MBD6: variants seen among roughly 807,000 people sequenced by gnomAD.
The protein encoded by MBD6 is methyl-CpG-binding domain protein 6.
Under a neutral mutation model 66.8 loss-of-function variants are expected in MBD6, and 22 were observed. That is an observed-to-expected ratio of 0.33 (90% CI 0.24 to 0.47). MBD6 has a LOEUF of 0.47. Among genes scored for constraint, MBD6 ranks in the 20% least tolerant of loss-of-function variants. MBD6 has a pLI of 1.00. For missense variants in MBD6, 1,322 were observed against 1,286.9 expected (o/e 1.03, Z -0.42); for synonymous variants, 540 against 534.6 (o/e 1.01, Z -0.14).
chr12:57,528,247 C>T lies in MBD6; in HGVS notation c.2507C>T (p.Pro836Leu). ...PARPPLSALAPPHGSPDPPVP... is the reference protein window; with the variant it reads ...PARPPLSALALPHGSPDPPVP... ...AGGCCTCCCCTCAGTGCCTTAGCCCCACCCCATGGTTCTCCCGACCCCCCA... is the reference window on the plus strand; with the variant it reads ...AGGCCTCCCCTCAGTGCCTTAGCCCTACCCCATGGTTCTCCCGACCCCCCA... The change falls in exon 10 of 13, where the codon CCA becomes CTA. Residue 836 changes from proline (P) to leucine (L), a missense_variant. Coordinates refer to ENST00000355673, the MANE Select transcript of MBD6 (RefSeq NM_052897.4). 4 of 1,607,934 alleles carry T rather than the reference C, an allele frequency of 2.5e-6. No homozygotes were observed. Among genetic ancestry groups the T allele is most frequent in the Non-Finnish European group, 3.4e-6 (4 of 1,177,208 alleles).
At chr12:57,527,327 G>C in intron 7 of MBD6, 100 bp downstream of exon 7, 6 of 1,092,810 alleles carry the variant, frequency 5.5e-6, no homozygotes, top group Non-Finnish European at 7.8e-6. Context: ...GCTCTTCCTT[G>C]GGGCCTTTGG....
In MBD6 at chr12:57,526,842, G is replaced by T; in HGVS notation, c.1697G>T (p.Gly566Val). The change falls in exon 7 of 13, where the codon GGG becomes GTG. Residue 566 changes from glycine to valine, a missense_variant. Transcript: ENST00000355673. ...LNHSLFGVLT[G>V]GGGQPPPEPL... ...CACAGTTTATTTGGTGTGCTGACTG[G>T]GGGAGGAGGACAACCTCCCCCTGAG... 1 of 1,613,480 alleles carries T rather than the reference G, an allele frequency of 6.2e-7. No individual in the cohort carries two copies. Among genetic ancestry groups the T allele is most frequent in the South Asian group, 1.1e-5 (1 of 91,062 alleles).
chr12:57,527,120 C>T lies in MBD6; in HGVS notation c.1975C>T (p.Leu659=), dbSNP rs748674521. 3.8e-6 allele frequency: 6 copies of T among 1,574,828 alleles called. No homozygotes were observed. In the African/African-American group the frequency reaches 6.8e-5, roughly 18 times the overall value. ...GGAGCCATTTTCAGGCTTGGGAGAC[C>T]TGTCCCCCCTACTTTTCCCCCCACT... ...SGEPFSGLGD[L]SPLLFPPLSA... is the part of the protein sequence containing the mutation. The change falls in exon 7 of 13, where the codon CTG becomes TTG. Residue 659 remains leucine, a synonymous_variant. Coordinates refer to ENST00000355673, the MANE Select transcript of MBD6 (RefSeq NM_052897.4).
upstream of MBD6, among the ~76,000 whole-genome samples, chr12:57,522,545 A>T (rs1241476374): frequency 7.3e-6 from 1 of 136,664 alleles, no homozygotes; most frequent in Non-Finnish European, 1.5e-5. Flanking sequence ...AGAGGCGCAG[A>T]TCCTTCCGCG....
chr12:57,529,431 A>ACCCCCCCCCCCCCCCCCACCCCC lies in MBD6; in HGVS notation c.*204_*205insCCCCCCCCCCACCCCCCCCCCCC, dbSNP rs1459762262. On this transcript the variant is annotated 3_prime_UTR_variant, in exon 13 of 13. Coordinates refer to ENST00000355673, the MANE Select transcript of MBD6 (RefSeq NM_052897.4). ...GCAGGGAAGTTCACCCCCCCCCACC[A>ACCCCCCCCCCCCCCCCCACCCCC]CCCCCCCGCCCCCCCGAAGCCATGT... The ACCCCCCCCCCCCCCCCCACCCCC allele has an allele frequency of 2.6e-6, 1 of 387,854 alleles. No individual in the cohort carries two copies. Among genetic ancestry groups the ACCCCCCCCCCCCCCCCCACCCCC allele is most frequent in the Non-Finnish European group, 4.6e-6 (1 of 218,590 alleles). 24.0% of individuals were successfully genotyped at this position (387,854 alleles called of 1,614,324 possible).
Position 57,528,467 on chromosome 12 carries a change from A to C in MBD6, c.2727A>C (p.Arg909Ser), listed in dbSNP as rs1879230257. ...FNGQMERSPR[R>S]THHWQHNGEL... Reference sequence around the variant, plus strand: ...GACAAATGGAAAGGTCCCCAAGAAGAACCCACCATTGGCAGCATAATGGGG... The same window carrying C: ...GACAAATGGAAAGGTCCCCAAGAAGCACCCACCATTGGCAGCATAATGGGG... The change falls in exon 10 of 13, where the codon AGA becomes AGC. Residue 909 changes from arginine to serine, a missense_variant. Transcript: ENST00000355673. 2 of 1,613,814 alleles carry C rather than the reference A, an allele frequency of 1.2e-6. No individual in the cohort carries two copies. The highest frequency in any genetic ancestry group is 1.7e-6 in the Non-Finnish European group (2 of 1,180,034).
At chr12:57,523,669 G>A (rs984361674) in intron 1 of MBD6, among the ~76,000 whole-genome samples, 2 of 151,742 alleles carry the variant, frequency 1.3e-5, no homozygotes, top group African/African-American at 4.8e-5. Context: ...TCATCTTCCT[G>A]GGTAGAGAAC....
upstream of MBD6, chr12:57,522,759 A>ACGGCTGCGGCAGCGACGGCGGCGGCGG (rs1555170190): frequency 2.3e-4 from 36 of 153,606 alleles, 1 homozygote. Context: ...TGCGGCAGCG[A>ACGGCTGCGGCAGCGACGGCGGCGGCGG]CGGCGGCGGC....
At chr12:57,528,863 A>C in intron 11 of MBD6, 83 bp from the exon 12 acceptor site, 2 of 1,608,754 alleles carry the variant, frequency 1.2e-6, no homozygotes, top group Non-Finnish European at 1.7e-6. Context: ...TACTATCCAA[A>C]TGTAGAAAGT....
chr12:57,520,729 G>A (rs1053475022), upstream of MBD6: 5 of 335,180 alleles, frequency 1.5e-5, no homozygotes, highest in Non-Finnish European at 2.7e-5. Context: ...TGGGTCACGA[G>A]GCTTCACGGA....
chr12:57,527,347 A>G, intron 7 of MBD6, 120 bp downstream of exon 7: 1 of 1,131,978 alleles, frequency 8.8e-7, no homozygotes, highest in Non-Finnish European at 1.3e-6. Flanking sequence ...GGGAGGCCTT[A>G]GTTCTTGGCT....
chr12:57,530,864 A>G, downstream of MBD6: 1 of 1,122,036 alleles, frequency 8.9e-7, no homozygotes, highest in South Asian at 1.3e-5. Flanking sequence ...GAGAGAAGAC[A>G]AGAAATGGAA....
chr12:57,530,395 A>G (rs1043942968), downstream of MBD6: 20 of 346,440 alleles, frequency 5.8e-5, no homozygotes, highest in Admixed American at 4.6e-4. Context: ...ACAAGACCCA[A>G]TCCTTCCCCA....
Position 57,529,082 on chromosome 12 carries a change from TAGAG to T in MBD6, c.2937+74_2938-74del, listed in dbSNP as rs1048544007. The T allele has an allele frequency of 6.2e-6, 10 of 1,612,962 alleles. No individual in the cohort carries two copies. The African/African-American group carries it at 9.4e-5, about 15-fold the overall frequency. On this transcript the variant is annotated intron_variant, in intron 12 of 12. Transcript: ENST00000355673. ...TGAGGCGGCAGGAGGAAAGGAGGGT[TAGAG>T]GGAGTGGGGAGAAAAGAAGACTTCC...
rs1878499173 is a variant in MBD6 at position 57,522,948 on chromosome 12, C to CCCCTCCCACT, written c.-150_-141dup. The CCCCTCCCACT allele has an allele frequency of 6.8e-6, 1 of 147,286 alleles. No individual in the cohort carries two copies. Among genetic ancestry groups the CCCCTCCCACT allele is most frequent in the Non-Finnish European group, 1.5e-5 (1 of 65,742 alleles). 9.1% of individuals were successfully genotyped at this position (147,286 alleles called of 1,614,324 possible). On this transcript the variant is annotated 5_prime_UTR_variant, in exon 1 of 13. The change abolishes the stop of an existing upstream ORF in the 5' untranslated region. Coordinates refer to ENST00000355673, the MANE Select transcript of MBD6 (RefSeq NM_052897.4). ...CGGGCTCCACCGACCCTCCTCCCAC[C>CCCCTCCCACT]CCCTCCCACTCACCCTCTGGGCCGC...
chr12:57,524,528 C>A, intron 3 of MBD6, 112 bp downstream of exon 3: 1 of 1,123,014 alleles, frequency 8.9e-7, no homozygotes. Context: ...TCCTCTCTTC[C>A]CCTTCCTTCC....
At chr12:57,531,271 C>T (rs1480202995), downstream of MBD6, among the ~76,000 whole-genome samples, 4 of 152,074 alleles carry the variant, frequency 2.6e-5, no homozygotes, top group Non-Finnish European at 4.4e-5. Context: ...CCTGTAATCT[C>T]AGCACTTTGG....
At chr12:57,526,449 A>G in intron 6 of MBD6, 61 bp downstream of exon 6, 1 of 1,527,872 alleles carries the variant, frequency 6.5e-7, no homozygotes, top group Non-Finnish European at 8.8e-7. Flanking sequence ...CAAGGCATTT[A>G]GGGGAATGTT....
In MBD6 at chr12:57,527,002, C is replaced by A. The variant is rs1486139467; in HGVS notation, c.1857C>A (p.Ser619Arg). 1 of 1,613,718 alleles carries A rather than the reference C, an allele frequency of 6.2e-7. No homozygotes were observed. Among genetic ancestry groups the A allele is most frequent in the Admixed American group, 1.7e-5 (1 of 60,014 alleles). ...DLLPPPSAPP[S>R]NLLASFLPLL... ...TTCCACCTCCTTCAGCACCTCCCAGCAACCTCCTTGCCTCTTTCCTGCCCC... is the reference window on the plus strand; with the variant it reads ...TTCCACCTCCTTCAGCACCTCCCAGAAACCTCCTTGCCTCTTTCCTGCCCC... The change falls in exon 7 of 13, where the codon AGC becomes AGA. Residue 619 changes from serine (S) to arginine (R), a missense_variant. Transcript: ENST00000355673.
Sources: gnomAD v4.1 joint callset for allele counts (sites outside exome capture counted in the v4.1 genomes callset) on GRCh38, gnomAD v4.1.1 for gene constraint, MANE v1.5 for transcripts, NCBI Gene and HGNC (gene_info 2026-07-23, HGNC 2026-07-21) for gene names.